The following BAHCC1 variants were observed in gnomAD, a reference collection of about 807,000 sequenced individuals.
BAHCC1 encodes BAH and coiled-coil domain-containing protein 1.
In BAHCC1, 43 loss-of-function variants were observed where a neutral mutation model predicts 88.2. The observed-to-expected ratio is 0.49, with a 90% CI of 0.38 to 0.63. The LOEUF (loss-of-function observed/expected upper bound fraction) is 0.63. BAHCC1 is among the 20% of genes least tolerant of loss of function. The pLI, the probability that BAHCC1 is intolerant of heterozygous loss-of-function variation, is 0.00. For synonymous variants in BAHCC1, 1,510 were observed against 745.5 expected, an observed-to-expected ratio of 2.03 and a Z score of -16.71; for missense variants, 3,023 against 1,654.8, an observed-to-expected ratio of 1.83 and a Z score of -14.34.
At position 81,459,342 on chromosome 17, in the gene BAHCC1, C is replaced by A. The variant is rs199926462; in HGVS notation, c.5796+14C>A. 2 of 775,022 alleles carry A rather than the reference C, an allele frequency of 2.6e-6. No homozygotes were observed. Among genetic ancestry groups the A allele is most frequent in the South Asian group, 1.3e-5 (1 of 74,138 alleles). 48.0% of individuals were successfully genotyped at this position (775,022 alleles called of 1,614,324 possible). Reference sequence around the variant, plus strand: ...CTGCAGGAAGCGGTGAGGACCGGGCCGGCCCGCCCCGGGGAGGGGCCTGGC... The same window carrying A: ...CTGCAGGAAGCGGTGAGGACCGGGCAGGCCCGCCCCGGGGAGGGGCCTGGC... On this transcript the variant is annotated intron_variant, in intron 22 of 27. Transcript: ENST00000675386.
intron 1 of BAHCC1, among the ~76,000 whole-genome samples, chr17:81,397,474 C>T (rs2063758117): frequency 6.6e-6 from 1 of 152,022 alleles, no homozygotes; most frequent in Non-Finnish European, 1.5e-5. Context: ...AGCCTGGCAC[C>T]CCCGCGTGCG....
chr17:81,428,050 C>T (rs1015010562), intron 3 of BAHCC1, among the ~76,000 whole-genome samples: 6 of 152,168 alleles, frequency 3.9e-5, no homozygotes, highest in Non-Finnish European at 7.4e-5. Flanking sequence ...GTTGGGCAGG[C>T]GATAAGGAGT....
At chr17:81,429,972 C>T (rs1012779299) in intron 3 of BAHCC1, among the ~76,000 whole-genome samples, 1 of 152,190 alleles carries the variant, frequency 6.6e-6, no homozygotes, top group Non-Finnish European at 1.5e-5. Flanking sequence ...AGGAGCCGCC[C>T]GGAACATCTG....
chr17:81,416,611 C>T (rs997121793), intron 2 of BAHCC1, among the ~76,000 whole-genome samples: 2 of 135,876 alleles, frequency 1.5e-5, no homozygotes, highest in African/African-American at 2.8e-5. Context: ...CGCGTATGTA[C>T]GTGTGTGTGT....
At chr17:81,416,698 CT>C (rs782080129) in intron 2 of BAHCC1, among the ~76,000 whole-genome samples, 12 of 152,206 alleles carry the variant, frequency 7.9e-5, no homozygotes, top group Admixed American at 5.2e-4. Context: ...GCCTGCCCCC[CT>C]GGCCATCCCG....
At chr17:81,421,176 T>C (rs1224857124) in intron 2 of BAHCC1, among the ~76,000 whole-genome samples, 1 of 152,236 alleles carries the variant, frequency 6.6e-6, no homozygotes, top group Non-Finnish European at 1.5e-5. Context: ...TGCCTCCGCC[T>C]GGGCTGGTAA....
At chr17:81,395,875 T>C (rs2063741732) in intron 1 of BAHCC1, 1 of 151,692 alleles carries the variant, frequency 6.6e-6, no homozygotes, top group Non-Finnish European at 1.5e-5. Context: ...TATCGATCGG[T>C]TTAAAATTAC....
intron 3 of BAHCC1, among the ~76,000 whole-genome samples, chr17:81,430,936 G>GT (rs2143437340): frequency 6.6e-6 from 1 of 152,000 alleles, no homozygotes; most frequent in Non-Finnish European, 1.5e-5. Context: ...AGTTGGGCCA[G>GT]TGGGGACAAG....
chr17:81,420,387 G>A (rs1386771949), intron 2 of BAHCC1, among the ~76,000 whole-genome samples: 3 of 152,298 alleles, frequency 2.0e-5, no homozygotes, highest in African/African-American at 7.2e-5. Flanking sequence ...CGAGACTCCA[G>A]CCCAGCTGTT....
At chr17:81,452,955 G>A (rs1417312113) in intron 14 of BAHCC1, 104 bp downstream of exon 14, 5 of 611,452 alleles carry the variant, frequency 8.2e-6, no homozygotes, top group Middle Eastern at 3.7e-4. Context: ...GGCTGCTGGT[G>A]CCCCTTCACA....
At chr17:81,396,169 G>A (rs1555644887) in intron 1 of BAHCC1, 1 of 152,326 alleles carries the variant, frequency 6.6e-6, no homozygotes. Flanking sequence ...GAGGGGAACT[G>A]GCCGGGTCGT....
intron 2 of BAHCC1, among the ~76,000 whole-genome samples, chr17:81,405,825 T>C (rs2063871661): frequency 6.6e-6 from 1 of 152,226 alleles, no homozygotes; most frequent in African/African-American, 2.4e-5. Context: ...CTCTGGATCC[T>C]GTGAGGCAGC....
At chr17:81,410,825 C>A (rs1187736591) in intron 2 of BAHCC1, among the ~76,000 whole-genome samples, 3 of 151,938 alleles carry the variant, frequency 2.0e-5, no homozygotes, top group East Asian at 1.9e-4. Context: ...CGTATCCCCC[C>A]AGTCTCGGGG....
rs1175466667 is a variant in BAHCC1 at position 81,411,969 on chromosome 17, C to T, written c.178+12052C>T. The stretch of plus-strand genomic sequence containing the variant: ...GCATTCAGCGAGACACACAGGCGCA[C>T]AGGGACTCAAGTGTGGCCACGATTA... On this transcript the variant is annotated intron_variant, in intron 2 of 27. Transcript: ENST00000675386. The surrounding 1 kb of genome is among the most constrained non-coding windows in gnomAD (Gnocchi z 6.2). Among the ~76,000 whole-genome samples the T allele has an allele frequency of 6.6e-6, 1 of 152,270 alleles. No homozygotes were observed. The highest frequency in any genetic ancestry group is 1.5e-5 in the Non-Finnish European group (1 of 68,042).
chr17:81,443,888 G>A lies in BAHCC1; in HGVS notation c.2295G>A (p.Leu765=), dbSNP rs1555653526. The A allele has an allele frequency of 1.4e-6, 1 of 713,356 alleles. No individual in the cohort carries two copies. The highest frequency in any genetic ancestry group is 2.7e-5 in the East Asian group (1 of 37,308). 44.2% of individuals were successfully genotyped at this position (713,356 alleles called of 1,614,324 possible). A position where few individuals can be genotyped will look rare whatever the true frequency, so the allele number is the denominator to read the frequency against. Residue 765 remains leucine (L), a synonymous_variant, in exon 6 of 28, where the codon CTG becomes CTA. Transcript: ENST00000675386. ...EERTRLCDDR[L]GLASRELLLQ... ...GGACGAGGCTATGTGATGACCGCCT[G>A]GGGCTTGCCAGCCGCGAGCTGCTGC...
At chr17:81,431,146 A>G (rs1487317846) in intron 3 of BAHCC1, among the ~76,000 whole-genome samples, 1 of 152,032 alleles carries the variant, frequency 6.6e-6, no homozygotes, top group African/African-American at 2.4e-5. Context: ...TCTCTCAGCC[A>G]GAGGGCGGCT....
At chr17:81,417,601 A>G (rs1568002383) in intron 2 of BAHCC1, among the ~76,000 whole-genome samples, 1 of 142,210 alleles carries the variant, frequency 7.0e-6, no homozygotes, top group African/African-American at 2.7e-5. Flanking sequence ...CCTTTTAATA[A>G]GAACCAGACT....
intron 18 of BAHCC1, 42 bp downstream of exon 18, chr17:81,458,508 C>T (rs1555658097): frequency 6.0e-6 from 4 of 665,416 alleles, no homozygotes; most frequent in Middle Eastern, 3.9e-4. Context: ...AGGGTGGGTG[C>T]CTGTGAGGAA....
At chr17:81,453,590 T>C (rs897410840) in intron 14 of BAHCC1, among the ~76,000 whole-genome samples, 12 of 128,762 alleles carry the variant, frequency 9.3e-5, no homozygotes, top group Non-Finnish European at 2.1e-4. Context: ...ACCATATGGC[T>C]GCCCCCCCCC....
Sources: allele counts gnomAD v4.1 joint callset (sites outside exome capture counted in the v4.1 genomes callset), GRCh38; gene constraint gnomAD v4.1.1; non-coding constraint Gnocchi (gnomAD v3.1); transcripts MANE v1.5; gene names NCBI Gene and HGNC (gene_info 2026-07-23, HGNC 2026-07-21).